Variants in PCDHGA8 observed in about 807,000 individuals in gnomAD.
PCDHGA8 encodes the protein protocadherin gamma-A8.
Under a neutral mutation model 59.2 loss-of-function variants are expected in PCDHGA8, and 45 were observed. The observed-to-expected ratio is 0.76, with a 90% CI of 0.60 to 0.98. The LOEUF (loss-of-function observed/expected upper bound fraction) is 0.98. PCDHGA8 is among the 50% of genes least tolerant of loss of function. The pLI, the probability that PCDHGA8 is intolerant of heterozygous loss-of-function variation, is 0.00. For synonymous variants in PCDHGA8, 531 were observed against 519.0 expected, an observed-to-expected ratio of 1.02 and a Z score of -0.32; for missense variants, 1,257 against 1,196.2, an observed-to-expected ratio of 1.05 and a Z score of -0.75.
At position 141,487,505 on chromosome 5, in the gene PCDHGA8, G is replaced by GTA; in HGVS notation, c.2425-7302_2425-7301insTA. The GTA allele has an allele frequency of 1.2e-6, 2 of 1,614,200 alleles. No homozygotes were observed. The highest frequency in any genetic ancestry group is 1.7e-6 in the Non-Finnish European group (2 of 1,180,032). ...TCATGGCTGTACACCCTTGGCTTCTGCACCCACTCGGAGTGATAGCTTCAT... is the reference window on the plus strand; with the variant it reads ...TCATGGCTGTACACCCTTGGCTTCTGTACACCCACTCGGAGTGATAGCTTCAT... On this transcript the variant is annotated intron_variant, in intron 1 of 3. Coordinates refer to ENST00000398604, the MANE Select transcript of PCDHGA8 (RefSeq NM_032088.2). This position sits in a 1 kb window ranked among gnomAD's most constrained non-coding sequence, Gnocchi z 5.0.
intron 1 of PCDHGA8, chr5:141,395,450 C>A: frequency 1.6e-6 from 1 of 643,034 alleles, no homozygotes; most frequent in Non-Finnish European, 2.5e-6. Flanking sequence ...AAAGATTGTT[C>A]AACCATTTTA....
At chr5:141,469,111 T>TA (rs1275770294) in intron 1 of PCDHGA8, among the ~76,000 whole-genome samples, 1 of 151,476 alleles carries the variant, frequency 6.6e-6, no homozygotes, top group African/African-American at 2.4e-5. Context: ...AACCTGTCTC[T>TA]AAAAAAATTT....
chr5:141,494,740 T>C, intron 1 of PCDHGA8, 67 bp from the exon 2 acceptor site: 1 of 1,612,194 alleles, frequency 6.2e-7, no homozygotes, highest in Non-Finnish European at 8.5e-7. Context: ...GGCCCATCCC[T>C]AGGGGCTCGG....
At chr5:141,415,895 G>A in intron 1 of PCDHGA8, 1 of 898,210 alleles carries the variant, frequency 1.1e-6, no homozygotes, top group Non-Finnish European at 1.5e-6. Flanking sequence ...CAATTCCTAA[G>A]ACAGACTTCC....
chr5:141,423,757 G>GGC, intron 1 of PCDHGA8: 1 of 395,122 alleles, frequency 2.5e-6, no homozygotes, highest in East Asian at 1.5e-4. Context: ...GTTTGGGGGG[G>GGC]GGGTGGGGCG....
chr5:141,426,848 C>A (rs1379697529), intron 1 of PCDHGA8: 1 of 456,670 alleles, frequency 2.2e-6, no homozygotes, highest in Non-Finnish European at 4.4e-6. Context: ...AAGGCAAGAA[C>A]GCTCCAGAAT....
intron 1 of PCDHGA8, among the ~76,000 whole-genome samples, chr5:141,402,419 A>T: frequency 6.6e-6 from 1 of 152,100 alleles, no homozygotes; most frequent in Middle Eastern, 3.2e-3. Flanking sequence ...ACACAGAAAA[A>T]ATTGAAGCAT....
At chr5:141,411,423 CA>C (rs200531177) in intron 1 of PCDHGA8, 3 of 147,666 alleles carry the variant, frequency 2.0e-5, no homozygotes, top group Admixed American at 6.8e-5. Context: ...ACAACAACAA[CA>C]AAAAAAAACA....
At chr5:141,459,845 T>C (rs914128032) in intron 1 of PCDHGA8, among the ~76,000 whole-genome samples, 1 of 152,232 alleles carries the variant, frequency 6.6e-6, no homozygotes, top group Admixed American at 6.5e-5. Flanking sequence ...TCTATTTGTA[T>C]ATCTTCTTGA....
chr5:141,403,986 C>A (rs367739607), intron 1 of PCDHGA8: 12 of 1,613,586 alleles, frequency 7.4e-6, no homozygotes, highest in Admixed American at 1.7e-5. Flanking sequence ...GACAATAGAC[C>A]TGAAGTGACC....
At chr5:141,464,418 T>C (rs1244881278) in intron 1 of PCDHGA8, among the ~76,000 whole-genome samples, 2 of 151,652 alleles carry the variant, frequency 1.3e-5, no homozygotes, top group Non-Finnish European at 2.9e-5. Flanking sequence ...TATATATCTA[T>C]ATATATAGAT....
Position 141,400,219 on chromosome 5 carries a change from C to T in PCDHGA8, c.2424+4982C>T, listed in dbSNP as rs1200450595. On this transcript the variant is annotated intron_variant, in intron 1 of 3. Coordinates refer to ENST00000398604, the MANE Select transcript of PCDHGA8 (RefSeq NM_032088.2). ...GGTGGCCTTGGCCTTGATCTCAGTG[C>T]TCTTCCTCCTGGCCGTGATTCTGGC... The T allele has an allele frequency of 1.9e-6, 3 of 1,613,934 alleles. No homozygotes were observed. Among genetic ancestry groups the T allele is most frequent in the African/African-American group, 1.3e-5 (1 of 74,930 alleles).
chr5:141,430,761 T>G, intron 1 of PCDHGA8: 5 of 1,506,132 alleles, frequency 3.3e-6, no homozygotes, highest in Non-Finnish European at 3.5e-6. Context: ...AAGATAAGAA[T>G]GATTCCTGCG....
At chr5:141,459,603 A>G (rs867387156) in intron 1 of PCDHGA8, among the ~76,000 whole-genome samples, 1 of 152,244 alleles carries the variant, frequency 6.6e-6, no homozygotes, top group Non-Finnish European at 1.5e-5. Flanking sequence ...AATGGGAAGT[A>G]TATGCTTAAC....
chr5:141,418,498 C>T (rs181453589), intron 1 of PCDHGA8: 10 of 1,613,968 alleles, frequency 6.2e-6, no homozygotes, highest in East Asian at 2.2e-5. Context: ...TGGTACTGAC[C>T]GCCTTAGATG....
intron 1 of PCDHGA8, chr5:141,409,471 A>G (rs2095271616): frequency 1.2e-6 from 2 of 1,613,860 alleles, no homozygotes; most frequent in Non-Finnish European, 1.7e-6. Flanking sequence ...TCACCATCGT[A>G]GCCACTGACA....
At position 141,477,068 on chromosome 5, in the gene PCDHGA8, C is replaced by A; in HGVS notation, c.2425-17739C>A. 6.2e-7 allele frequency: 1 copy of A among 1,614,268 alleles called. No homozygotes were observed. The highest frequency in any genetic ancestry group is 8.5e-7 in the Non-Finnish European group (1 of 1,180,046). On this transcript the variant is annotated intron_variant, in intron 1 of 3. Transcript: ENST00000398604. This position sits in a 1 kb window ranked among gnomAD's most constrained non-coding sequence, Gnocchi z 4.9. ...GCTGGACTTCGAGGACACCAAACTCCATGAGATTTACATCCAGGCCAAAGA... is the reference window on the plus strand; with the variant it reads ...GCTGGACTTCGAGGACACCAAACTCAATGAGATTTACATCCAGGCCAAAGA...
At chr5:141,418,944 C>T in intron 1 of PCDHGA8, 1 of 1,614,026 alleles carries the variant, frequency 6.2e-7, no homozygotes, top group Non-Finnish European at 8.5e-7. Context: ...GATTCCCCTC[C>T]AGGAGTGGTT....
chr5:141,423,612 TGAAGAC>T, intron 1 of PCDHGA8: 1 of 1,611,004 alleles, frequency 6.2e-7, no homozygotes, highest in African/African-American at 1.3e-5. Flanking sequence ...TCTTGATAGC[TGAAGAC>T]TCAGCTATCA....
Sources: gnomAD v4.1 joint callset for allele counts (sites outside exome capture counted in the v4.1 genomes callset) on GRCh38, gnomAD v4.1.1 for gene constraint, Gnocchi (gnomAD v3.1) non-coding constraint, MANE v1.5 for transcripts, NCBI Gene and HGNC (gene_info 2026-07-23, HGNC 2026-07-21) for gene names.